The following CCDC15 variants were observed in gnomAD, a reference collection of about 807,000 sequenced individuals.
CCDC15 encodes the protein coiled-coil domain-containing protein 15.
Under a neutral mutation model 114.5 loss-of-function variants are expected in CCDC15, and 105 were observed. That is an observed-to-expected ratio of 0.92 (90% CI 0.78 to 1.08). CCDC15 has a LOEUF of 1.08. Among genes scored for constraint, CCDC15 ranks in the 50% least tolerant of loss-of-function variants. The pLI is 0.00. For missense variants in CCDC15, 1,105 were observed against 1,093.6 expected (o/e 1.01, Z -0.15); for synonymous variants, 334 against 377.8 (o/e 0.88, Z 1.34).
At chr11:125,004,438 G>T (rs570417299) in intron 12 of CCDC15, among the ~76,000 whole-genome samples, 37 of 151,950 alleles carry the variant, frequency 2.4e-4, no homozygotes, top group African/African-American at 8.9e-4. Context: ...AATACCACTG[G>T]TGATTCTGAT....
At chr11:124,960,501 G>T (rs1272251106) in intron 4 of CCDC15, among the ~76,000 whole-genome samples, 1 of 151,934 alleles carries the variant, frequency 6.6e-6, no homozygotes, top group African/African-American at 2.4e-5. Flanking sequence ...TACCTTCGTT[G>T]CAAAGAAGTT....
At position 124,975,287 on chromosome 11, in the gene CCDC15, A is replaced by G. The variant is rs1175470554; in HGVS notation, c.630+78A>G. 1.3e-5 allele frequency: 11 copies of G among 823,744 alleles called. No individual in the cohort carries two copies. The East Asian group carries it at 3.5e-4, about 26-fold the overall frequency. 51.0% of individuals were successfully genotyped at this position (823,744 alleles called of 1,614,324 possible). A position where few individuals can be genotyped will look rare whatever the true frequency, so the allele number is the denominator to read the frequency against. On this transcript the variant is annotated intron_variant, in intron 5 of 15. Coordinates refer to ENST00000344762, the MANE Select transcript of CCDC15 (RefSeq NM_025004.3). ...TAAAGATTTACTTATATCTCAGCATAATTTAGAACTGTAAAATAATTGGAA... is the reference window on the plus strand; with the variant it reads ...TAAAGATTTACTTATATCTCAGCATGATTTAGAACTGTAAAATAATTGGAA...
At position 125,006,698 on chromosome 11, in the gene CCDC15, G is replaced by A. The variant is rs73020396; in HGVS notation, c.2411+1486G>A. 6.1e-3 allele frequency among the ~76,000 whole-genome samples: 924 copies of A among 152,210 alleles called. 5 individuals are homozygous for A. The highest frequency in any genetic ancestry group is 9.9e-3 in the Admixed American group (151 of 15,280). ...TCCACTTTGTTAATTTTTGTGAGAG[G>A]TGTAAGATCTGTGTTTAGAGTCATT... On this transcript the variant is annotated intron_variant, in intron 13 of 15. Coordinates refer to ENST00000344762, the MANE Select transcript of CCDC15 (RefSeq NM_025004.3).
chr11:124,954,801 G>A lies in CCDC15; in HGVS notation c.69G>A (p.Leu23=), dbSNP rs376190381. Residue 23 remains leucine, a synonymous_variant, in exon 2 of 16, where the codon CTG becomes CTA. Transcript: ENST00000344762. ...GGTTGCCCCTGGCTTTAAACCCCCT[G>A]AAGAGCAAGGACGTGTTGGCAGTGC... ...TSRLPLALNP[L]KSKDVLAVLA... is the part of the protein sequence containing the mutation. 62 of 1,613,902 alleles carry A rather than the reference G, an allele frequency of 3.8e-5. No individual in the cohort carries two copies. Among genetic ancestry groups the A allele is most frequent in the Non-Finnish European group, 5.1e-5 (60 of 1,179,898 alleles).
chr11:124,993,113 C>A lies in CCDC15; in HGVS notation c.2140-56C>A, dbSNP rs1470835314. On this transcript the variant is annotated intron_variant, in intron 10 of 15. Coordinates refer to ENST00000344762, the MANE Select transcript of CCDC15 (RefSeq NM_025004.3). ...TTGTCACTGAAGTCTATAATACTGT[C>A]ACTAGCCCGTCATTTCTGCTTAGAC... The A allele has an allele frequency of 6.6e-6, 7 of 1,065,104 alleles. No individual in the cohort carries two copies. The East Asian group carries it at 1.3e-4, about 19-fold the overall frequency. 66.0% of individuals were successfully genotyped at this position (1,065,104 alleles called of 1,614,324 possible).
At chr11:124,987,040 A>G in intron 7 of CCDC15, 87 bp from the exon 8 acceptor site, 1 of 1,368,344 alleles carries the variant, frequency 7.3e-7, no homozygotes, top group Non-Finnish European at 9.6e-7. Context: ...TCACTGCCAT[A>G]TCATTTTGAT....
At chr11:124,971,811 A>G (rs186738764) in intron 4 of CCDC15, among the ~76,000 whole-genome samples, 7 of 152,272 alleles carry the variant, frequency 4.6e-5, no homozygotes, top group Admixed American at 1.3e-4. Flanking sequence ...TGGTGTTAAT[A>G]TTCATATTTC....
intron 3 of CCDC15, 88 bp from the exon 4 acceptor site, chr11:124,959,727 T>C: frequency 2.6e-6 from 2 of 766,204 alleles, no homozygotes; most frequent in East Asian, 3.9e-5. Flanking sequence ...CACCCCAATT[T>C]AAAATCTTCT....
intron 5 of CCDC15, among the ~76,000 whole-genome samples, chr11:124,976,301 A>G (rs1045311801): frequency 1.3e-5 from 2 of 151,284 alleles, no homozygotes; most frequent in African/African-American, 2.4e-5. Flanking sequence ...TTTGTCTCAT[A>G]TATGTTGGCA....
intron 2 of CCDC15, among the ~76,000 whole-genome samples, chr11:124,958,709 T>A (rs767342504): frequency 6.6e-6 from 1 of 152,008 alleles, no homozygotes; most frequent in African/African-American, 2.4e-5. Context: ...GGGGAGTGGG[T>A]ATTAAATGGT....
rs773588148 is a variant in CCDC15 at position 124,993,238 on chromosome 11, C to G, written c.2209C>G (p.Pro737Ala). ...EIARGNTPGV[P>A]LAYDRYQSGL... ...TGCAAGAGGAAATACTCCTGGAGTG[C>G]CCTTGGTATGTTTCACACAATATTC... The change falls in exon 11 of 16, where the codon CCC (proline) becomes GCC (alanine). Residue 737 changes from proline (P) to alanine (A), a missense_variant. Transcript: ENST00000344762. The G allele has an allele frequency of 6.3e-6, 10 of 1,590,962 alleles. No individual in the cohort carries two copies. In the East Asian group the frequency reaches 2.2e-4, roughly 36 times the overall value.
chr11:125,039,553 CATT>C (rs1489673134), intron 15 of CCDC15: 1 of 152,768 alleles, frequency 6.5e-6, no homozygotes, highest in African/African-American at 2.4e-5. Flanking sequence ...TTCATATTGT[CATT>C]AATATTTCTG....
intron 11 of CCDC15, among the ~76,000 whole-genome samples, chr11:124,998,973 A>G (rs1371643605): frequency 1.3e-5 from 2 of 151,968 alleles, no homozygotes; most frequent in Non-Finnish European, 2.9e-5. Flanking sequence ...TCCTGACCTC[A>G]TGATCTGCCC....
chr11:125,033,472 G>A (rs1055556004), intron 13 of CCDC15, among the ~76,000 whole-genome samples: 4 of 152,136 alleles, frequency 2.6e-5, no homozygotes, highest in Non-Finnish European at 5.9e-5. Flanking sequence ...GTTAGATCTG[G>A]CATACATCAA....
chr11:124,959,243 G>A lies in CCDC15; in HGVS notation c.306G>A (p.Gln102=). The A allele has an allele frequency of 1.3e-6, 2 of 1,578,956 alleles. No homozygotes were observed. Among genetic ancestry groups the A allele is most frequent in the Non-Finnish European group, 1.7e-6 (2 of 1,167,912 alleles). Residue 102 remains glutamine (Q), a synonymous_variant, in exon 3 of 16, where the codon CAG becomes CAA. Coordinates refer to ENST00000344762, the MANE Select transcript of CCDC15 (RefSeq NM_025004.3). ...NQQIRLRKKQ[Q]LQKSYERAQK... is the part of the protein sequence containing the mutation. ...AAATTAGGTTGAGAAAAAAGCAACA[G>A]CTTCAGAAGTCTTATGAAAGAGTAA... is the stretch of plus-strand genomic sequence containing the variant.
chr11:124,980,279 C>T lies in CCDC15; in HGVS notation c.753+2679C>T, dbSNP rs182863495. Reference sequence around the variant, plus strand: ...GTTTTGGTATCAGGATGATGCTGGCCTTGTAGAATAAGTTAGGGAGGACTT... The same window carrying T: ...GTTTTGGTATCAGGATGATGCTGGCTTTGTAGAATAAGTTAGGGAGGACTT... On this transcript the variant is annotated intron_variant, in intron 6 of 15. Transcript: ENST00000344762. 3.5e-3 allele frequency among the ~76,000 whole-genome samples: 525 copies of T among 152,172 alleles called. 2 individuals are homozygous for T. Among genetic ancestry groups the T allele is most frequent in the African/African-American group, 0.012 (499 of 41,514 alleles).
intron 2 of CCDC15, 57 bp from the exon 3 acceptor site, chr11:124,959,058 C>A: frequency 1.6e-6 from 2 of 1,216,640 alleles, no homozygotes; most frequent in Non-Finnish European, 1.1e-6. Flanking sequence ...TTTAAAACAG[C>A]CCTAATGGAC....
At chr11:124,967,859 T>G (rs1046231415) in intron 4 of CCDC15, among the ~76,000 whole-genome samples, 3 of 152,240 alleles carry the variant, frequency 2.0e-5, no homozygotes, top group Non-Finnish European at 4.4e-5. Flanking sequence ...TATTCCTTTC[T>G]GTTTGTTAGT....
rs1336956011 is a variant in CCDC15, at chr11:125,041,331, C to G, written c.*620C>G. On this transcript the variant is annotated 3_prime_UTR_variant, in exon 16 of 16. Coordinates refer to ENST00000344762, the MANE Select transcript of CCDC15 (RefSeq NM_025004.3). ...CAAAAAGGGTAAATAAATCCTTTGT[C>G]TTTTGAATATCTTCTATGTGAAATA... 6.6e-6 allele frequency: 1 copy of G among 151,928 alleles called. No individual in the cohort carries two copies. The highest frequency in any genetic ancestry group is 2.4e-5 in the African/African-American group (1 of 41,352). 9.4% of individuals were successfully genotyped at this position (151,928 alleles called of 1,614,324 possible). A position where few individuals can be genotyped will look rare whatever the true frequency, so the allele number is the denominator to read the frequency against.
Sources: gnomAD v4.1 joint callset for allele counts (sites outside exome capture counted in the v4.1 genomes callset) on GRCh38, gnomAD v4.1.1 for gene constraint, MANE v1.5 for transcripts, NCBI Gene and HGNC (gene_info 2026-07-23, HGNC 2026-07-21) for gene names.